Variants in NECTIN1 observed in about 807,000 individuals in gnomAD.
NECTIN1 encodes nectin cell adhesion molecule 1.
A neutral mutation model predicts 48.0 loss-of-function variants in NECTIN1; 23 were observed. That is an observed-to-expected ratio of 0.48 (90% CI 0.34 to 0.68). The LOEUF (loss-of-function observed/expected upper bound fraction) is 0.68, where lower values mean the gene tolerates loss of function less well. Among genes scored for constraint, NECTIN1 ranks in the 30% least tolerant of loss-of-function variants. The pLI, the probability that NECTIN1 is intolerant of heterozygous loss-of-function variation, is 0.01. For missense variants in NECTIN1, 591 were observed against 709.9 expected, an observed-to-expected ratio of 0.83 and a Z score of 1.90; for synonymous variants, 270 against 288.9, an observed-to-expected ratio of 0.93 and a Z score of 0.66.
intron 1 of NECTIN1, among the ~76,000 whole-genome samples, chr11:119,689,222 T>A (rs1865211054): frequency 1.3e-5 from 2 of 152,232 alleles, no homozygotes; most frequent in Non-Finnish European, 2.9e-5. Flanking sequence ...TTTTGCCGTT[T>A]GCGCTCCTCA....
Position 119,684,075 on chromosome 11 carries a change from C to A in NECTIN1, c.80-5310G>T, listed in dbSNP as rs187393129. Among the ~76,000 whole-genome samples, 3 of 152,252 alleles carry A rather than the reference C, an allele frequency of 2.0e-5. No individual in the cohort carries two copies. Among genetic ancestry groups the A allele is most frequent in the Non-Finnish European group, 4.4e-5 (3 of 68,042 alleles). ...CGCAAGCCAGTGCCACAGGTTCCCA[C>A]GCAGCGGGGTGTGGCACACTTCGCT... On this transcript the variant is annotated intron_variant, in intron 1 of 5. Transcript: ENST00000264025. This position sits in a 1 kb window ranked among gnomAD's most constrained non-coding sequence, Gnocchi z 5.2.
rs761000349 is a variant in NECTIN1 at position 119,678,485 on chromosome 11, A to C, written c.360T>G (p.Gly120=). The change falls in exon 2 of 6, where the codon GGT becomes GGG. Residue 120 remains glycine (G), a synonymous_variant. Coordinates refer to ENST00000264025, the MANE Select transcript of NECTIN1 (RefSeq NM_002855.5). The surrounding 1 kb of genome is among the most constrained non-coding windows in gnomAD (Gnocchi z 4.4). The part of the protein sequence containing the change: ...RLSRLELEDE[G]VYICEFATFP... ...AGGTAGCAAACTCGCAGATGTAGACACCCTCATCCTCCAGCTCCAGGCGGG... is the reference window on the plus strand; with the variant it reads ...AGGTAGCAAACTCGCAGATGTAGACCCCCTCATCCTCCAGCTCCAGGCGGG... 17 of 1,614,042 alleles carry C rather than the reference A, an allele frequency of 1.1e-5. No homozygotes were observed. In the Admixed American group the frequency reaches 1.5e-4, roughly 14 times the overall value.
intron 1 of NECTIN1, among the ~76,000 whole-genome samples, chr11:119,686,183 A>T (rs1207276307): frequency 6.6e-6 from 1 of 151,964 alleles, no homozygotes; most frequent in Non-Finnish European, 1.5e-5. Flanking sequence ...ATTCCTCTTG[A>T]TTTTCCAGCC....
downstream of NECTIN1, among the ~76,000 whole-genome samples, chr11:119,658,083 TTGA>T (rs1165802213): frequency 1.3e-5 from 2 of 152,168 alleles, no homozygotes; most frequent in Non-Finnish European, 2.9e-5. Context: ...GTGATGTATG[TTGA>T]TGATGCCCTG....
chr11:119,651,243 A>C (rs1864485747), intron 5 of NECTIN1, among the ~76,000 whole-genome samples: 1 of 152,174 alleles, frequency 6.6e-6, no homozygotes, highest in African/African-American at 2.4e-5. Flanking sequence ...TCCTTATCCC[A>C]GAGCCTGCAG....
chr11:119,719,471 T>A (rs2134343513), intron 1 of NECTIN1, among the ~76,000 whole-genome samples: 1 of 152,330 alleles, frequency 6.6e-6, no homozygotes, highest in Non-Finnish European at 1.5e-5. Context: ...TGCGTGACCC[T>A]GGGCAAGTTA....
At chr11:119,707,479 C>A in intron 1 of NECTIN1, among the ~76,000 whole-genome samples, 1 of 152,096 alleles carries the variant, frequency 6.6e-6, no homozygotes, top group East Asian at 1.9e-4. Flanking sequence ...ATGCTAGTGA[C>A]CACCATGACA....
intron 1 of NECTIN1, among the ~76,000 whole-genome samples, chr11:119,703,887 G>T (rs1010534940): frequency 1.3e-5 from 2 of 152,214 alleles, no homozygotes; most frequent in African/African-American, 4.8e-5. Flanking sequence ...ACTGCATCCA[G>T]GATGCCGGGC....
chr11:119,725,759 T>A (rs891297870), intron 1 of NECTIN1, among the ~76,000 whole-genome samples: 1 of 152,088 alleles, frequency 6.6e-6, no homozygotes, highest in Non-Finnish European at 1.5e-5. Context: ...CTTCCGAGGG[T>A]GTGCATGACA....
In NECTIN1 at chr11:119,663,328, T is replaced by G. The variant is rs1864700004; in HGVS notation, c.*1419A>C. 2 of 985,336 alleles carry G rather than the reference T, an allele frequency of 2.0e-6. No homozygotes were observed. Among genetic ancestry groups the G allele is most frequent in the Non-Finnish European group, 2.4e-6 (2 of 829,974 alleles). The allele number at this position is 985,336 out of a possible 1,614,324, so 61.0% of individuals were successfully genotyped here. ...GAGGGCTGGGAGGGGTCTTCCTCCATTATATACATGGGAAGACCCAGTCTG... is the reference window on the plus strand; with the variant it reads ...GAGGGCTGGGAGGGGTCTTCCTCCAGTATATACATGGGAAGACCCAGTCTG... On this transcript the variant is annotated 3_prime_UTR_variant, in exon 6 of 6. Coordinates refer to ENST00000264025, the MANE Select transcript of NECTIN1 (RefSeq NM_002855.5).
Position 119,728,902 on chromosome 11 carries a change from T to G in NECTIN1, c.-349A>C. ...ACCCCCGGCGCGCCCGGCTGCCCGG[T>G]TGCGCGGCGCGGGCTCCTGGCCCCG... is the stretch of plus-strand genomic sequence containing the variant. On this transcript the variant is annotated 5_prime_UTR_variant, in exon 1 of 6. Coordinates refer to ENST00000264025, the MANE Select transcript of NECTIN1 (RefSeq NM_002855.5). The G allele has an allele frequency of 4.8e-6, 1 of 207,806 alleles. No individual in the cohort carries two copies. The allele number at this position is 207,806 out of a possible 1,614,324, so 12.9% of individuals were successfully genotyped here.
At chr11:119,660,339 G>A (rs1864639985), downstream of NECTIN1, among the ~76,000 whole-genome samples, 1 of 152,018 alleles carries the variant, frequency 6.6e-6, no homozygotes, top group South Asian at 2.1e-4. Flanking sequence ...TGGGGAGAGC[G>A]GGGAGGTAAC....
At chr11:119,646,361 T>G (rs1864396073) in intron 5 of NECTIN1, among the ~76,000 whole-genome samples, 1 of 152,120 alleles carries the variant, frequency 6.6e-6, no homozygotes, top group African/African-American at 2.4e-5. Flanking sequence ...ATGTAATACG[T>G]GGTTGCTATT....
chr11:119,722,644 C>T (rs1865851251), intron 1 of NECTIN1, among the ~76,000 whole-genome samples: 1 of 152,240 alleles, frequency 6.6e-6, no homozygotes, highest in South Asian at 2.1e-4. Flanking sequence ...ACCACCTCAG[C>T]TGAACCTGTG....
rs1864876037 is a variant in NECTIN1, at chr11:119,672,569, C to T, written c.1003+2590G>A. On this transcript the variant is annotated intron_variant, in intron 5 of 5. Transcript: ENST00000264025. The surrounding 1 kb of genome is among the most constrained non-coding windows in gnomAD (Gnocchi z 4.3). ...TGTTGTTTCCCACTAGGGACTCACT[C>T]ATGGTGGCAGCTCCTAACGGGTGTG... is the stretch of plus-strand genomic sequence containing the variant. Among the ~76,000 whole-genome samples, 1 of 152,198 alleles carries T rather than the reference C, an allele frequency of 6.6e-6. No individual in the cohort carries two copies. Among genetic ancestry groups the T allele is most frequent in the South Asian group, 2.1e-4 (1 of 4,832 alleles).
chr11:119,644,363 C>T (rs1864366356), intron 5 of NECTIN1, among the ~76,000 whole-genome samples: 1 of 152,212 alleles, frequency 6.6e-6, no homozygotes, highest in Non-Finnish European at 1.5e-5. Flanking sequence ...TTGGGTCACA[C>T]CCAAGTAGCC....
chr11:119,685,683 G>A (rs1865143109), intron 1 of NECTIN1, among the ~76,000 whole-genome samples: 2 of 152,214 alleles, frequency 1.3e-5, no homozygotes, highest in Admixed American at 6.5e-5. Flanking sequence ...TGACTCCATC[G>A]TGGCACCCCA....
At chr11:119,706,010 T>C (rs899208876) in intron 1 of NECTIN1, among the ~76,000 whole-genome samples, 1 of 152,208 alleles carries the variant, frequency 6.6e-6, no homozygotes, top group Non-Finnish European at 1.5e-5. Context: ...ACAATGGCCT[T>C]GAGCCAAGAC....
At chr11:119,705,608 C>T (rs2134326500) in intron 1 of NECTIN1, among the ~76,000 whole-genome samples, 1 of 152,320 alleles carries the variant, frequency 6.6e-6, no homozygotes, top group African/African-American at 2.4e-5. Context: ...ACGGAGGAGA[C>T]TGATGCAGGG....
Sources: gnomAD v4.1 joint callset for allele counts (sites outside exome capture counted in the v4.1 genomes callset) on GRCh38, gnomAD v4.1.1 for gene constraint, Gnocchi (gnomAD v3.1) non-coding constraint, MANE v1.5 for transcripts, NCBI Gene and HGNC (gene_info 2026-07-23, HGNC 2026-07-21) for gene names.